FRMD4A: variants seen among roughly 807,000 people sequenced by gnomAD.
FRMD4A encodes FERM domain containing 4A.
In FRMD4A, 29 loss-of-function variants were observed where a neutral mutation model predicts 129.1. The observed-to-expected ratio is 0.22, with a 90% confidence interval of 0.17 to 0.31. FRMD4A has a LOEUF of 0.31. FRMD4A is among the 10% of genes least tolerant of loss of function. The probability of loss-of-function intolerance (pLI) is 1.00; values close to 1 mark genes in which losing one functional copy is unlikely to be tolerated. For missense variants in FRMD4A, 1,272 were observed against 1,375.8 expected (o/e 0.92, Z 1.19); for synonymous variants, 634 against 571.6 (o/e 1.11, Z -1.56).
intron 2 of FRMD4A, among the ~76,000 whole-genome samples, chr10:13,940,714 A>G (rs1364136991): frequency 6.6e-6 from 1 of 152,214 alleles, no homozygotes; most frequent in Non-Finnish European, 1.5e-5. Flanking sequence ...GAGAATGTCA[A>G]GAGAAGATGT....
At chr10:13,919,972 C>G (rs571419737) in intron 2 of FRMD4A, among the ~76,000 whole-genome samples, 1 of 152,080 alleles carries the variant, frequency 6.6e-6, no homozygotes, top group South Asian at 2.1e-4. Context: ...CACAAACAAA[C>G]TAACACAATT....
chr10:13,988,055 A>G (rs989788368), intron 2 of FRMD4A, among the ~76,000 whole-genome samples: 10 of 152,230 alleles, frequency 6.6e-5, no homozygotes, highest in African/African-American at 2.4e-4. Flanking sequence ...AAAAAATCTG[A>G]TCAGACAGTA....
At chr10:13,830,304 T>C (rs1396146517) in intron 3 of FRMD4A, among the ~76,000 whole-genome samples, 2 of 152,172 alleles carry the variant, frequency 1.3e-5, no homozygotes, top group Non-Finnish European at 2.9e-5. Context: ...AGAGATTTTG[T>C]TGTCTGGGCT....
At chr10:13,922,575 C>G (rs1335767576) in intron 2 of FRMD4A, among the ~76,000 whole-genome samples, 1 of 152,162 alleles carries the variant, frequency 6.6e-6, no homozygotes, top group East Asian at 1.9e-4. Flanking sequence ...GCAGTCTGCT[C>G]TAAAAATAAA....
intron 4 of FRMD4A, among the ~76,000 whole-genome samples, chr10:13,806,388 T>C (rs4317878): frequency 0.34 from 51,871 of 152,124 alleles, 10,014 homozygotes; most frequent in Non-Finnish European, 0.44. Context: ...TGGATGCCAG[T>C]GTTTGATAAA....
At chr10:13,827,163 G>C (rs1417102184) in intron 3 of FRMD4A, among the ~76,000 whole-genome samples, 1 of 152,194 alleles carries the variant, frequency 6.6e-6, no homozygotes, top group Non-Finnish European at 1.5e-5. Flanking sequence ...TGTGGAGGGA[G>C]ATCTCGCGAG....
chr10:14,218,575 T>C (rs1163636197), intron 2 of FRMD4A, among the ~76,000 whole-genome samples: 1 of 152,202 alleles, frequency 6.6e-6, no homozygotes, highest in Non-Finnish European at 1.5e-5. Flanking sequence ...TCTTAGTGGC[T>C]GGGCACGGTG....
At chr10:14,035,790 A>T (rs1487665002) in intron 2 of FRMD4A, among the ~76,000 whole-genome samples, 2 of 152,252 alleles carry the variant, frequency 1.3e-5, no homozygotes, top group Non-Finnish European at 2.9e-5. Flanking sequence ...GACTAAAGAT[A>T]TGCAAGAAAC....
intron 2 of FRMD4A, among the ~76,000 whole-genome samples, chr10:14,291,548 C>A (rs1337487760): frequency 6.6e-6 from 1 of 152,010 alleles, no homozygotes; most frequent in Non-Finnish European, 1.5e-5. Flanking sequence ...AGGATAAATA[C>A]CATCTGATCA....
At chr10:13,883,797 C>T (rs933351381) in intron 2 of FRMD4A, among the ~76,000 whole-genome samples, 4 of 152,174 alleles carry the variant, frequency 2.6e-5, no homozygotes, top group African/African-American at 4.8e-5. Context: ...GATGGCCATA[C>T]GCTGTCCCTT....
chr10:13,881,988 AGGGTGTGTGTGTGT>A (rs1394390320), intron 2 of FRMD4A, among the ~76,000 whole-genome samples: 41 of 10,722 alleles, frequency 3.8e-3, no homozygotes, highest in Middle Eastern at 0.05. Flanking sequence ...GGGAGAGGCA[AGGGTGTGTGTGTGT>A]GTGTGTGTGT....
At chr10:13,946,892 G>A (rs184559311) in intron 2 of FRMD4A, among the ~76,000 whole-genome samples, 128 of 152,184 alleles carry the variant, frequency 8.4e-4, no homozygotes, top group African/African-American at 2.4e-3. Flanking sequence ...ACTTGACCTC[G>A]GGGAGCTTAT....
chr10:13,867,193 T>A (rs1430519691), intron 2 of FRMD4A, among the ~76,000 whole-genome samples: 2 of 152,186 alleles, frequency 1.3e-5, no homozygotes, highest in Non-Finnish European at 2.9e-5. Flanking sequence ...TATCTACACA[T>A]CTATGGGTAT....
chr10:13,957,074 G>A (rs1018626992), intron 2 of FRMD4A, among the ~76,000 whole-genome samples: 14 of 152,146 alleles, frequency 9.2e-5, no homozygotes, highest in Admixed American at 7.2e-4. Context: ...TCTGAACCAC[G>A]GGGAAACCCA....
chr10:14,042,696 C>T (rs549698365), intron 2 of FRMD4A, among the ~76,000 whole-genome samples: 42 of 152,124 alleles, frequency 2.8e-4, no homozygotes, highest in African/African-American at 9.4e-4. Flanking sequence ...GGCGCAGTGG[C>T]TCATGCCTGT....
At chr10:13,803,374 C>A (rs2093295944) in intron 4 of FRMD4A, among the ~76,000 whole-genome samples, 1 of 152,130 alleles carries the variant, frequency 6.6e-6, no homozygotes. Context: ...TTCTGTTGCC[C>A]AGGCTGGAGT....
intron 2 of FRMD4A, among the ~76,000 whole-genome samples, chr10:14,009,185 T>C (rs977423553): frequency 6.6e-6 from 1 of 152,204 alleles, no homozygotes; most frequent in Non-Finnish European, 1.5e-5. Context: ...AAACGTTAAC[T>C]TTTCTGTAAT....
rs34246612 is a variant in FRMD4A, at chr10:13,702,913, G to GA, written c.837-1436dup. Among the ~76,000 whole-genome samples, 1,216 of 131,882 alleles carry GA rather than the reference G, an allele frequency of 9.2e-3. 27 individuals are homozygous for GA. Among genetic ancestry groups the GA allele is most frequent in the African/African-American group, 0.034 (1,167 of 34,232 alleles). 86.5% of individuals were successfully genotyped at this position (131,882 alleles called of 152,430 possible). A position where few individuals can be genotyped will look rare whatever the true frequency, so the allele number is the denominator to read the frequency against. On this transcript the variant is annotated intron_variant, in intron 13 of 24. Coordinates refer to ENST00000357447, the MANE Select transcript of FRMD4A (RefSeq NM_018027.5). ...CCCTTCGGTTCCAACAAAAGTGAAG[G>GA]AAAAAAAAAAAAAAAAAAGCCAGAG...
At chr10:14,117,501 A>G (rs1219629891) in intron 2 of FRMD4A, among the ~76,000 whole-genome samples, 1 of 152,182 alleles carries the variant, frequency 6.6e-6, no homozygotes, top group East Asian at 1.9e-4. Context: ...TGGGTCTCTG[A>G]GATTCTCACT....
Sources: gnomAD v4.1 joint callset for allele counts (sites outside exome capture counted in the v4.1 genomes callset) on GRCh38, gnomAD v4.1.1 for gene constraint, MANE v1.5 for transcripts, NCBI Gene and HGNC (gene_info 2026-07-23, HGNC 2026-07-21) for gene names.